Variants in CDH12 observed in about 807,000 individuals in gnomAD.
The protein encoded by CDH12 is cadherin 12, also known as cadherin-12.
Under a neutral mutation model 74.1 loss-of-function variants are expected in CDH12, and 41 were observed. That is an observed-to-expected ratio of 0.55 (90% CI 0.43 to 0.72). CDH12 has a LOEUF of 0.72. CDH12 is among the 30% of genes least tolerant of loss of function. The pLI, the probability that CDH12 is intolerant of heterozygous loss-of-function variation, is 0.00. For missense variants in CDH12, 945 were observed against 977.2 expected, an observed-to-expected ratio of 0.97 and a Z score of 0.44; for synonymous variants, 399 against 355.0, an observed-to-expected ratio of 1.12 and a Z score of -1.39.
intron 2 of CDH12, among the ~76,000 whole-genome samples, chr5:22,469,425 C>T (rs979097722): frequency 3.3e-5 from 5 of 152,160 alleles, no homozygotes; most frequent in African/African-American, 1.2e-4. Context: ...TGTCTTCTCC[C>T]TGTATCTTTT....
chr5:22,560,701 T>G (rs1404198005), intron 1 of CDH12, among the ~76,000 whole-genome samples: 1 of 152,172 alleles, frequency 6.6e-6, no homozygotes, highest in African/African-American at 2.4e-5. Context: ...GGATGAGATG[T>G]ACTGCACAGA....
At chr5:22,590,029 A>G (rs2126797695) in intron 1 of CDH12, among the ~76,000 whole-genome samples, 1 of 152,286 alleles carries the variant, frequency 6.6e-6, no homozygotes, top group Admixed American at 6.5e-5. Context: ...TGGGAGCCTG[A>G]GGTTGGTATA....
At chr5:21,876,193 C>A (rs1751930691) in intron 6 of CDH12, among the ~76,000 whole-genome samples, 1 of 152,060 alleles carries the variant, frequency 6.6e-6, no homozygotes, top group Admixed American at 6.6e-5. Context: ...CACACCCGGC[C>A]CTTTGTTTGC....
At chr5:22,246,714 C>G (rs1752957000) in intron 3 of CDH12, among the ~76,000 whole-genome samples, 1 of 152,104 alleles carries the variant, frequency 6.6e-6, no homozygotes, top group African/African-American at 2.4e-5. Context: ...TAAGACTTTT[C>G]ACAAAATGTA....
intron 3 of CDH12, among the ~76,000 whole-genome samples, chr5:22,388,534 G>GA (rs1250559407): frequency 6.6e-6 from 1 of 151,746 alleles, no homozygotes; most frequent in Non-Finnish European, 1.5e-5. Context: ...TTCAAGGCAT[G>GA]AAAAAAAGAC....
chr5:21,850,361 T>C (rs1750397993), intron 7 of CDH12, among the ~76,000 whole-genome samples: 1 of 151,396 alleles, frequency 6.6e-6, no homozygotes, highest in African/African-American at 2.4e-5. Flanking sequence ...AGATGATGGG[T>C]ATGTTAATTT....
At chr5:22,456,801 C>T (rs1260369640) in intron 2 of CDH12, among the ~76,000 whole-genome samples, 1 of 152,120 alleles carries the variant, frequency 6.6e-6, no homozygotes, top group Non-Finnish European at 1.5e-5. Flanking sequence ...CCTAGCAGTA[C>T]AGGATCTCTG....
chr5:21,947,512 A>G lies in CDH12; in HGVS notation c.526+27579T>C, dbSNP rs543343843. 2.0e-5 allele frequency among the ~76,000 whole-genome samples: 3 copies of G among 152,358 alleles called. No homozygotes were observed. In the South Asian group the frequency reaches 6.2e-4, roughly 32 times the overall value. ...ACTCTGCCTTAGCAAAGAGACTAGA[A>G]GCATTTTGCCCCTGTCCTAGAGATC... On this transcript the variant is annotated intron_variant, in intron 6 of 14. Transcript: ENST00000382254.
At chr5:22,336,813 C>A (rs1305731846) in intron 3 of CDH12, among the ~76,000 whole-genome samples, 2 of 152,218 alleles carry the variant, frequency 1.3e-5, no homozygotes, top group Non-Finnish European at 2.9e-5. Context: ...AGCCCCCACA[C>A]AGAGTCCCTA....
chr5:22,472,022 C>G (rs867168277), intron 2 of CDH12, among the ~76,000 whole-genome samples: 1 of 152,090 alleles, frequency 6.6e-6, no homozygotes, highest in Non-Finnish European at 1.5e-5. Flanking sequence ...TGAGAGGAGA[C>G]ACCCAGGGTA....
At chr5:22,490,581 A>T (rs1009244584) in intron 2 of CDH12, among the ~76,000 whole-genome samples, 1 of 152,058 alleles carries the variant, frequency 6.6e-6, no homozygotes, top group African/African-American at 2.4e-5. Context: ...AAAAAAAAAT[A>T]AGGCTCTCTG....
At chr5:22,503,562 C>G (rs955657812) in intron 2 of CDH12, among the ~76,000 whole-genome samples, 1 of 152,022 alleles carries the variant, frequency 6.6e-6, no homozygotes, top group African/African-American at 2.4e-5. Flanking sequence ...AAAATAATTT[C>G]AAGCCATTCT....
Position 22,225,549 on chromosome 5 carries a change from C to T in CDH12, c.-332-12906G>A, listed in dbSNP as rs146673369. Among the ~76,000 whole-genome samples the T allele has an allele frequency of 6.1e-3, 922 of 152,142 alleles. 32 individuals carry two copies. Among genetic ancestry groups the T allele is most frequent in the East Asian group, 6.6e-3 (34 of 5,180 alleles). On this transcript the variant is annotated intron_variant, in intron 3 of 14. Transcript: ENST00000382254. The stretch of plus-strand genomic sequence containing the variant: ...ACAATCCTACTGTTTTTCAGAGAAA[C>T]GTTTATTGATGAAACATTTTTGTAG...
chr5:22,056,327 C>T (rs2150199827), intron 5 of CDH12, among the ~76,000 whole-genome samples: 1 of 152,238 alleles, frequency 6.6e-6, no homozygotes, highest in African/African-American at 2.4e-5. Flanking sequence ...TCCATCTGTG[C>T]TTTCTAATAG....
intron 1 of CDH12, among the ~76,000 whole-genome samples, chr5:22,562,187 G>C (rs918777553): frequency 6.6e-6 from 1 of 151,486 alleles, no homozygotes; most frequent in Non-Finnish European, 1.5e-5. Context: ...CGTAGTGGCG[G>C]GCGCCTGTAG....
chr5:22,648,941 T>C (rs1296273516), intron 1 of CDH12, among the ~76,000 whole-genome samples: 2 of 152,104 alleles, frequency 1.3e-5, no homozygotes, highest in East Asian at 1.9e-4. Context: ...AATGTGATAA[T>C]ATTGGAATTT....
intron 4 of CDH12, among the ~76,000 whole-genome samples, chr5:22,163,228 C>G (rs575654997): frequency 6.6e-6 from 1 of 152,226 alleles, no homozygotes; most frequent in East Asian, 1.9e-4. Flanking sequence ...CCTCGGCCCT[C>G]GTTTATCCTG....
chr5:22,217,524 T>C (rs573534198), intron 3 of CDH12, among the ~76,000 whole-genome samples: 1 of 151,874 alleles, frequency 6.6e-6, no homozygotes, highest in South Asian at 2.1e-4. Context: ...ACATAATTGC[T>C]TTGCATTTTA....
At chr5:22,433,063 C>T (rs1744238886) in intron 2 of CDH12, among the ~76,000 whole-genome samples, 1 of 152,064 alleles carries the variant, frequency 6.6e-6, no homozygotes, top group Non-Finnish European at 1.5e-5. Flanking sequence ...AAAAGCTGAC[C>T]TTGGCAAACC....
Sources: gnomAD v4.1 joint callset for allele counts (sites outside exome capture counted in the v4.1 genomes callset) on GRCh38, gnomAD v4.1.1 for gene constraint, MANE v1.5 for transcripts, NCBI Gene and HGNC (gene_info 2026-07-23, HGNC 2026-07-21) for gene names.